Variants in DYNLT2 observed in about 807,000 individuals in gnomAD.
DYNLT2 encodes the protein dynein light chain Tctex-type 2, also known as dynein light chain Tctex-type protein 2.
A neutral mutation model predicts 24.3 loss-of-function variants in DYNLT2; 24 were observed. That is an observed-to-expected ratio of 0.99 (90% CI 0.71 to 1.39). The LOEUF (loss-of-function observed/expected upper bound fraction) is 1.39. Among genes scored for constraint, DYNLT2 ranks in the 40% most tolerant of loss-of-function variants. The pLI, the probability that DYNLT2 is intolerant of heterozygous loss-of-function variation, is 0.00. For missense variants in DYNLT2, 246 were observed against 234.5 expected, an observed-to-expected ratio of 1.05 and a Z score of -0.32; for synonymous variants, 85 against 85.4, an observed-to-expected ratio of 1.00 and a Z score of 0.03.
At chr6:169,747,651 T>G (rs1350976820) in intron 1 of DYNLT2, among the ~76,000 whole-genome samples, 1 of 152,242 alleles carries the variant, frequency 6.6e-6, no homozygotes, top group African/African-American at 2.4e-5. Context: ...CTCTACACTC[T>G]TAAATATATG....
chr6:169,737,534 T>C (rs1243529881), downstream of DYNLT2, among the ~76,000 whole-genome samples: 2 of 152,188 alleles, frequency 1.3e-5, no homozygotes, highest in African/African-American at 4.8e-5. Context: ...GTTGTTGTCA[T>C]TTTCTGCTTC....
chr6:169,751,436 ACGCCT>A lies in DYNLT2; in HGVS notation c.18_22del (p.Gly7GlufsTer20). 6.2e-7 allele frequency: 1 copy of A among 1,613,848 alleles called. No individual in the cohort carries two copies. The highest frequency in any genetic ancestry group is 8.5e-7 in the Non-Finnish European group (1 of 1,179,958). On this transcript the variant is annotated frameshift_variant, in exon 1 of 4. Transcript: ENST00000366774. LOFTEE classifies it high-confidence loss of function. ...CGGGGTCTGGATGGGGCTCGACTTC[ACGCCT>A]CGGCCTCGCTTCTCCATCTCGCTCT...
the DYNLT2 span, chr6:169,725,262 G>A: frequency 7.5e-6 from 3 of 398,576 alleles, no homozygotes; most frequent in Non-Finnish European, 1.3e-5. Context: ...GGAGAGTAGA[G>A]AATGTTCTCG....
At chr6:169,749,937 C>T (rs1169391076) in intron 1 of DYNLT2, 1 of 152,210 alleles carries the variant, frequency 6.6e-6, no homozygotes, top group Non-Finnish European at 1.5e-5. Context: ...ACAGTTTCCT[C>T]AGGTACATTT....
chr6:169,746,937 C>T (rs1230653369), intron 1 of DYNLT2, among the ~76,000 whole-genome samples: 1 of 148,118 alleles, frequency 6.8e-6, no homozygotes. Context: ...ACAGAGCAAA[C>T]TGCTGCTTGT....
intron 1 of DYNLT2, among the ~76,000 whole-genome samples, chr6:169,744,793 T>G (rs1000892020): frequency 1.3e-5 from 2 of 152,246 alleles, no homozygotes; most frequent in African/African-American, 4.8e-5. Flanking sequence ...ATTTGATATA[T>G]ATATCAGTTC....
chr6:169,731,787 T>C, the DYNLT2 span, among the ~76,000 whole-genome samples: 1 of 152,212 alleles, frequency 6.6e-6, no homozygotes. Context: ...CTATAGAATT[T>C]AACAACTAAG....
chr6:169,731,507 G>A, the DYNLT2 span, among the ~76,000 whole-genome samples: 1 of 152,180 alleles, frequency 6.6e-6, no homozygotes, highest in African/African-American at 2.4e-5. Flanking sequence ...GCATTTACTA[G>A]AGGTGCAGTT....
intron 3 of DYNLT2, among the ~76,000 whole-genome samples, chr6:169,742,710 T>TTAGCCTCCC (rs1789706200): frequency 6.6e-6 from 1 of 152,140 alleles, no homozygotes; most frequent in Non-Finnish European, 1.5e-5. Flanking sequence ...GTGAGTCTCC[T>TTAGCCTCCC]GCCTTAGCCT....
chr6:169,739,075 G>A (rs1789620775), downstream of DYNLT2: 1 of 152,066 alleles, frequency 6.6e-6, no homozygotes, highest in Admixed American at 6.5e-5. Flanking sequence ...ATATTGACAT[G>A]GTTGTTTTCA....
At chr6:169,728,545 T>G in the DYNLT2 span, among the ~76,000 whole-genome samples, 11 of 152,324 alleles carry the variant, frequency 7.2e-5, no homozygotes, top group South Asian at 2.3e-3. Flanking sequence ...AAGTTGAAAT[T>G]GTGCAAAGTG....
downstream of DYNLT2, chr6:169,740,059 A>G (rs1327698267): frequency 3.2e-6 from 2 of 621,942 alleles, no homozygotes; most frequent in East Asian, 2.8e-5. Context: ...AAAATAATAC[A>G]ATTGAAAGGC....
the DYNLT2 span, among the ~76,000 whole-genome samples, chr6:169,732,940 G>A: frequency 3.3e-5 from 5 of 152,174 alleles, no homozygotes; most frequent in Admixed American, 3.3e-4. Context: ...AGCCTCGCCA[G>A]CATCCATTGT....
chr6:169,747,195 TTCTA>T (rs1350357609), intron 1 of DYNLT2, among the ~76,000 whole-genome samples: 1 of 152,026 alleles, frequency 6.6e-6, no homozygotes. Context: ...TTTTGTCTGT[TTCTA>T]TGTGTGTAAC....
downstream of DYNLT2, among the ~76,000 whole-genome samples, chr6:169,736,559 T>C (rs1006597858): frequency 3.3e-5 from 5 of 152,236 alleles, no homozygotes; most frequent in African/African-American, 9.6e-5. Flanking sequence ...ATTTTATTTC[T>C]CCTTCGCTTA....
chr6:169,747,990 G>C (rs1354059910), intron 1 of DYNLT2, among the ~76,000 whole-genome samples: 1 of 152,156 alleles, frequency 6.6e-6, no homozygotes, highest in East Asian at 1.9e-4. Flanking sequence ...CAGAGAACTT[G>C]TTCTCTATTT....
downstream of DYNLT2, among the ~76,000 whole-genome samples, chr6:169,739,228 T>A (rs947170033): frequency 6.7e-6 from 1 of 148,642 alleles, no homozygotes; most frequent in Non-Finnish European, 1.5e-5. Flanking sequence ...TTTTTTTTTT[T>A]AAGAGATGGA....
chr6:169,739,436 T>C (rs1183772143), downstream of DYNLT2, among the ~76,000 whole-genome samples: 2 of 152,138 alleles, frequency 1.3e-5, no homozygotes, highest in Non-Finnish European at 1.5e-5. Flanking sequence ...GGTCTAGTCA[T>C]AGGAACATGA....
At chr6:169,727,572 G>GTT in the DYNLT2 span, among the ~76,000 whole-genome samples, 442 of 150,610 alleles carry the variant, frequency 2.9e-3, no homozygotes, top group African/African-American at 8.5e-3. Flanking sequence ...TTGTTTTTTT[G>GTT]TTTTTTTTTG....
Sources: gnomAD v4.1 joint callset for allele counts (sites outside exome capture counted in the v4.1 genomes callset) on GRCh38, gnomAD v4.1.1 for gene constraint, MANE v1.5 for transcripts, NCBI Gene and HGNC (gene_info 2026-07-23, HGNC 2026-07-21) for gene names.